ADGRL3: variants seen among roughly 807,000 people sequenced by gnomAD.
The protein encoded by ADGRL3 is calcium-independent alpha-latrotoxin receptor 3.
In ADGRL3, 62 loss-of-function variants were observed where a neutral mutation model predicts 153.5. That is an observed-to-expected ratio of 0.40 (90% CI 0.33 to 0.50). The LOEUF is 0.50. ADGRL3 is among the 20% of genes least tolerant of loss of function. ADGRL3 has a pLI of 0.47. For synonymous variants in ADGRL3, 710 were observed against 672.5 expected, an observed-to-expected ratio of 1.06 and a Z score of -0.86; for missense variants, 1,641 against 1,859.4, an observed-to-expected ratio of 0.88 and a Z score of 2.16.
intron 13 of ADGRL3, chr4:61,934,074 A>C (rs1280858947): frequency 6.6e-6 from 1 of 152,172 alleles, no homozygotes; most frequent in African/African-American, 2.4e-5. Context: ...GAAATATATA[A>C]ATTGTAACTA....
chr4:61,467,377 T>A lies in ADGRL3; in HGVS notation c.-173-29744T>A, dbSNP rs1350623430. 2.0e-5 allele frequency among the ~76,000 whole-genome samples: 3 copies of A among 152,174 alleles called. No individual in the cohort carries two copies. The South Asian group carries it at 6.2e-4, about 32-fold the overall frequency. Reference sequence around the variant, plus strand: ...GGTACTATAAATCATAAATTTAAAGTTTCAATGCTTAATATAGGGTCTGAT... The same window carrying A: ...GGTACTATAAATCATAAATTTAAAGATTCAATGCTTAATATAGGGTCTGAT... On this transcript the variant is annotated intron_variant, in intron 2 of 26. Coordinates refer to ENST00000683033, the MANE Select transcript of ADGRL3 (RefSeq NM_001387552.1).
intron 5 of ADGRL3, among the ~76,000 whole-genome samples, chr4:61,645,519 G>A (rs1217590096): frequency 6.6e-6 from 1 of 151,852 alleles, no homozygotes; most frequent in East Asian, 1.9e-4. Flanking sequence ...TATCTGTAAA[G>A]TATTTTATTT....
Position 61,327,326 on chromosome 4 carries a change from AG to A in ADGRL3, c.-239-55797del, listed in dbSNP as rs1248556892. 5.7e-5 allele frequency among the ~76,000 whole-genome samples: 6 copies of A among 105,082 alleles called. No individual in the cohort carries two copies. The East Asian group carries it at 1.2e-3, about 21-fold the overall frequency. The allele number at this position is 105,082 out of a possible 152,430, so 68.9% of individuals were successfully genotyped here. On this transcript the variant is annotated intron_variant, in intron 1 of 26. Transcript: ENST00000683033. ...ATAAGCTACACATTGAGTTTTACTC[AG>A]TTTTTTTTTTTTTAATTTTGCTGGC...
At chr4:61,420,272 G>T (rs1170987647) in intron 2 of ADGRL3, 5 of 151,754 alleles carry the variant, frequency 3.3e-5, no homozygotes, top group Admixed American at 1.3e-4. Context: ...CTATATGATG[G>T]TAGATTCGAT....
intron 5 of ADGRL3, among the ~76,000 whole-genome samples, chr4:61,630,566 T>A (rs2093099560): frequency 6.6e-6 from 1 of 152,254 alleles, no homozygotes; most frequent in African/African-American, 2.4e-5. Flanking sequence ...TCTCTTTTTT[T>A]CACTCTTATT....
chr4:61,847,709 A>T lies in ADGRL3; in HGVS notation c.1480+33820A>T, dbSNP rs1222956794. Reference sequence around the variant, plus strand: ...ATATATAATATAAAATATATTATATATATAATATAAAATATATTATATATA... The same window carrying T: ...ATATATAATATAAAATATATTATATTTATAATATAAAATATATTATATATA... On this transcript the variant is annotated intron_variant, in intron 9 of 26. Coordinates refer to ENST00000683033, the MANE Select transcript of ADGRL3 (RefSeq NM_001387552.1). 6.9e-5 allele frequency among the ~76,000 whole-genome samples: 3 copies of T among 43,442 alleles called. 1 individual carries two copies. The highest frequency in any genetic ancestry group is 1.3e-4 in the Non-Finnish European group (3 of 23,284). 28.5% of individuals were successfully genotyped at this position (43,442 alleles called of 152,430 possible).
At position 61,201,518 on chromosome 4, in the gene ADGRL3, C is replaced by G. The variant is rs1319912855; in HGVS notation, c.-487C>G. ...GCTCTCTTTTTCCTTCCCCTTTCTC[C>G]GTGGCTGTGTAGCGGAAGAAAGGGA... On this transcript the variant is annotated 5_prime_UTR_variant, in exon 1 of 27. Coordinates refer to ENST00000683033, the MANE Select transcript of ADGRL3 (RefSeq NM_001387552.1). 6.6e-6 allele frequency: 1 copy of G among 152,240 alleles called. No homozygotes were observed. Among genetic ancestry groups the G allele is most frequent in the East Asian group, 1.9e-4 (1 of 5,162 alleles). 9.4% of individuals were successfully genotyped at this position (152,240 alleles called of 1,614,324 possible). A position where few individuals can be genotyped will look rare whatever the true frequency, so the allele number is the denominator to read the frequency against.
chr4:61,760,262 T>G (rs181197876), intron 8 of ADGRL3, among the ~76,000 whole-genome samples: 1 of 152,142 alleles, frequency 6.6e-6, no homozygotes, highest in East Asian at 1.9e-4. Flanking sequence ...AGAGGTGGAG[T>G]CTACAGAGGT....
chr4:61,229,190 C>A (rs1243380263), intron 1 of ADGRL3, among the ~76,000 whole-genome samples: 2 of 152,188 alleles, frequency 1.3e-5, no homozygotes, highest in African/African-American at 4.8e-5. Flanking sequence ...AACTCTCACT[C>A]AGCCAACTGT....
At chr4:62,023,256 A>T (rs531246967) in intron 21 of ADGRL3, among the ~76,000 whole-genome samples, 135 of 152,300 alleles carry the variant, frequency 8.9e-4, no homozygotes, top group Non-Finnish European at 1.6e-3. Flanking sequence ...GATCCTGAAG[A>T]TGTGAATAAA....
At chr4:61,625,907 T>A (rs75724331) in intron 5 of ADGRL3, among the ~76,000 whole-genome samples, 1 of 152,216 alleles carries the variant, frequency 6.6e-6, no homozygotes, top group African/African-American at 2.4e-5. Context: ...TGTTCTCTTT[T>A]GCTCTATTTT....
At chr4:61,859,167 T>C (rs1004922573) in intron 9 of ADGRL3, among the ~76,000 whole-genome samples, 3 of 152,194 alleles carry the variant, frequency 2.0e-5, no homozygotes, top group African/African-American at 7.2e-5. Context: ...CCACCTGAAA[T>C]AGAGCTGACA....
chr4:61,625,777 T>C (rs11131337), intron 5 of ADGRL3, among the ~76,000 whole-genome samples: 48,385 of 151,850 alleles, frequency 0.32, 8,388 homozygotes, highest in East Asian at 0.52. Context: ...CAGAGACAAC[T>C]AAGCTTCTTA....
intron 4 of ADGRL3, among the ~76,000 whole-genome samples, chr4:61,563,096 A>C: frequency 6.6e-6 from 1 of 152,250 alleles, no homozygotes; most frequent in Non-Finnish European, 1.5e-5. Flanking sequence ...ATCTTATAAA[A>C]TGTATTTTTA....
chr4:61,476,910 C>A (rs887392742), intron 2 of ADGRL3, among the ~76,000 whole-genome samples: 1 of 151,340 alleles, frequency 6.6e-6, no homozygotes, highest in African/African-American at 2.4e-5. Flanking sequence ...CTATGCTATC[C>A]CCTCCTCCCT....
chr4:61,629,350 A>G (rs1482714528), intron 5 of ADGRL3, among the ~76,000 whole-genome samples: 2 of 151,948 alleles, frequency 1.3e-5, no homozygotes, highest in Non-Finnish European at 2.9e-5. Flanking sequence ...ACATAAATCT[A>G]TTCATCTTGT....
At chr4:61,304,777 G>A (rs564791786) in intron 1 of ADGRL3, among the ~76,000 whole-genome samples, 2 of 152,238 alleles carry the variant, frequency 1.3e-5, no homozygotes, top group East Asian at 3.9e-4. Context: ...CATTGATTTT[G>A]ATCTCATAAA....
chr4:61,846,104 C>T (rs1292790294), intron 9 of ADGRL3, among the ~76,000 whole-genome samples: 1 of 151,884 alleles, frequency 6.6e-6, no homozygotes, highest in African/African-American at 2.4e-5. Context: ...CTCTTAAGCC[C>T]AGGAGGTCAA....
At chr4:61,333,388 C>G (rs1284905961) in intron 1 of ADGRL3, among the ~76,000 whole-genome samples, 1 of 152,020 alleles carries the variant, frequency 6.6e-6, no homozygotes, top group African/African-American at 2.4e-5. Context: ...TATAAAACAT[C>G]ACAAAATACA....
Sources: gnomAD v4.1 joint callset for allele counts (sites outside exome capture counted in the v4.1 genomes callset) on GRCh38, gnomAD v4.1.1 for gene constraint, MANE v1.5 for transcripts, NCBI Gene and HGNC (gene_info 2026-07-23, HGNC 2026-07-21) for gene names.